CDK2AP1: variants seen among roughly 807,000 people sequenced by gnomAD.
CDK2AP1 encodes the protein cyclin-dependent kinase 2-associated protein 1.
A neutral mutation model predicts 14.1 loss-of-function variants in CDK2AP1; 10 were observed. The ratio of observed to expected loss-of-function variants is 0.71; its 90% CI spans 0.44 to 1.20. The LOEUF is 1.20. Among genes scored for constraint, CDK2AP1 ranks in the 50% most tolerant of loss-of-function variants. The probability of loss-of-function intolerance (pLI) is 0.00; values close to 1 mark genes in which losing one functional copy is unlikely to be tolerated. For synonymous variants in CDK2AP1, 59 were observed against 59.8 expected (o/e 0.99, Z 0.06); for missense variants, 102 against 149.9 (o/e 0.68, Z 1.67).
intron 3 of CDK2AP1, 39 bp from the exon 4 acceptor site, chr12:123,261,842 A>C: frequency 7.2e-7 from 1 of 1,396,636 alleles, no homozygotes; most frequent in Non-Finnish European, 1.0e-6. Flanking sequence ...GCAAGTGCAC[A>C]GGACCAGCCA....
rs2048232986 is a variant in CDK2AP1 at position 123,261,576 on chromosome 12, T to C, written c.*160A>G. 2 of 557,546 alleles carry C rather than the reference T, an allele frequency of 3.6e-6. No individual in the cohort carries two copies. Among genetic ancestry groups the C allele is most frequent in the Non-Finnish European group, 6.4e-6 (2 of 314,004 alleles). 34.5% of individuals were successfully genotyped at this position (557,546 alleles called of 1,614,324 possible). ...AATCCTAATTAACTGCAAAATCTTT[T>C]CTCAATCTTTGAGACTGTAGGTTCA... On this transcript the variant is annotated 3_prime_UTR_variant, in exon 4 of 4. Transcript: ENST00000261692.
chr12:123,262,111 CT>C (rs1370380254), intron 3 of CDK2AP1: 3 of 280,284 alleles, frequency 1.1e-5, no homozygotes, highest in Non-Finnish European at 2.0e-5. Flanking sequence ...CACCCAAATT[CT>C]TTTGCTTGAC....
chr12:123,270,845 G>A (rs897894766), intron 1 of CDK2AP1: 31 of 984,714 alleles, frequency 3.1e-5, no homozygotes, highest in Middle Eastern at 1.0e-3. Context: ...GCGGGCCCCA[G>A]CAGCCCCAGA....
chr12:123,267,678 G>A (rs1046680123), intron 1 of CDK2AP1: 22 of 186,018 alleles, frequency 1.2e-4, no homozygotes, highest in Admixed American at 2.7e-4. Flanking sequence ...TAGGCTGGTC[G>A]AAACCAGGCT....
intron 1 of CDK2AP1, among the ~76,000 whole-genome samples, chr12:123,268,927 A>G (rs1177241497): frequency 6.6e-6 from 1 of 152,150 alleles, no homozygotes; most frequent in African/African-American, 2.4e-5. Flanking sequence ...GATCCTGGTC[A>G]CTACACCTCT....
At chr12:123,262,248 G>A (rs11057215) in intron 3 of CDK2AP1, 2,953 of 154,942 alleles carry the variant, frequency 0.019, 40 homozygotes, top group Non-Finnish European at 0.03. Flanking sequence ...TACTACCCAC[G>A]CGGGACCCTG....
intron 1 of CDK2AP1, 151 bp downstream of exon 1, chr12:123,271,413 A>C: frequency 4.0e-6 from 1 of 249,296 alleles, no homozygotes. Context: ...CGGGCTCGGG[A>C]ATCATGGCGG....
At chr12:123,268,565 T>C (rs1359779885) in intron 1 of CDK2AP1, among the ~76,000 whole-genome samples, 1 of 152,232 alleles carries the variant, frequency 6.6e-6, no homozygotes, top group Non-Finnish European at 1.5e-5. Context: ...ATGCTGCCAC[T>C]GCAGCCCAGG....
chr12:123,263,000 G>C (rs1176704023), intron 3 of CDK2AP1, among the ~76,000 whole-genome samples: 3 of 151,588 alleles, frequency 2.0e-5, no homozygotes, highest in Non-Finnish European at 2.9e-5. Flanking sequence ...GCCCACTTGA[G>C]GTCAGGAGTT....
intron 3 of CDK2AP1, among the ~76,000 whole-genome samples, chr12:123,263,492 G>A (rs1412713089): frequency 6.6e-6 from 1 of 152,124 alleles, no homozygotes; most frequent in Non-Finnish European, 1.5e-5. Flanking sequence ...TGGACTCTGG[G>A]ACCCAGCATC....
chr12:123,268,727 G>T (rs560185705), intron 1 of CDK2AP1, among the ~76,000 whole-genome samples: 1 of 152,340 alleles, frequency 6.6e-6, no homozygotes, highest in African/African-American at 2.4e-5. Context: ...TATAGGGGCG[G>T]GTTGCTTGGG....
chr12:123,270,092 G>T, intron 1 of CDK2AP1: 2 of 380,738 alleles, frequency 5.3e-6, no homozygotes, highest in African/African-American at 2.2e-5. Flanking sequence ...ACCAGGGTAA[G>T]CCTGAGCTCA....
Position 123,265,173 on chromosome 12 carries a change from C to A in CDK2AP1, c.280+23G>T, listed in dbSNP as rs759844525. 6.2e-7 allele frequency: 1 copy of A among 1,614,060 alleles called. No individual in the cohort carries two copies. Among genetic ancestry groups the A allele is most frequent in the Admixed American group, 1.7e-5 (1 of 60,020 alleles). ...AAAGGTCTAGCACTGTGGTCACCGA[C>A]AGGGCAGCGGGGCCGGGCTTACCGC... On this transcript the variant is annotated intron_variant, in intron 3 of 3. Coordinates refer to ENST00000261692, the MANE Select transcript of CDK2AP1 (RefSeq NM_004642.4). The surrounding 1 kb of genome is among the most constrained non-coding windows in gnomAD (Gnocchi z 5.3).
intron 1 of CDK2AP1, chr12:123,271,014 G>C (rs2048348840): frequency 1.0e-6 from 1 of 971,052 alleles, no homozygotes; most frequent in Non-Finnish European, 1.2e-6. Flanking sequence ...GCGGCCCCGC[G>C]ACCTCAGGGC....
intron 2 of CDK2AP1, among the ~76,000 whole-genome samples, chr12:123,266,457 C>A (rs2048295458): frequency 6.6e-6 from 1 of 152,270 alleles, no homozygotes; most frequent in South Asian, 2.1e-4. Flanking sequence ...GAGGAACAGG[C>A]TCCATAGCGA....
chr12:123,270,837 G>T (rs1354406147), intron 1 of CDK2AP1: 6 of 985,196 alleles, frequency 6.1e-6, no homozygotes, highest in African/African-American at 1.7e-5. Context: ...GCCCGCGCGC[G>T]GGCCCCAGCA....
chr12:123,269,278 T>TGG (rs1293360725), intron 1 of CDK2AP1: 2 of 152,280 alleles, frequency 1.3e-5, no homozygotes, highest in African/African-American at 4.8e-5. Context: ...TTGATGATAC[T>TGG]GGGGTTAGGT....
Position 123,265,393 on chromosome 12 carries a change from C to T in CDK2AP1, c.154-71G>A. 1 of 1,503,288 alleles carries T rather than the reference C, an allele frequency of 6.7e-7. No individual in the cohort carries two copies. Among genetic ancestry groups the T allele is most frequent in the South Asian group, 1.1e-5 (1 of 87,544 alleles). The allele number at this position is 1,503,288 out of a possible 1,614,324, so 93.1% of individuals were successfully genotyped here. On this transcript the variant is annotated intron_variant, in intron 2 of 3. Transcript: ENST00000261692. This position sits in a 1 kb window ranked among gnomAD's most constrained non-coding sequence, Gnocchi z 5.3. ...TGGTGCGTGCCTGTAGTCCCAGTTACTCAGGAGGCTGAGGCAGGAGAACTG... is the reference window on the plus strand; with the variant it reads ...TGGTGCGTGCCTGTAGTCCCAGTTATTCAGGAGGCTGAGGCAGGAGAACTG...
At chr12:123,266,196 G>A (rs1029624417) in intron 2 of CDK2AP1, among the ~76,000 whole-genome samples, 4 of 152,192 alleles carry the variant, frequency 2.6e-5, no homozygotes, top group Admixed American at 6.5e-5. Flanking sequence ...CTCGCGCTCT[G>A]TCCTGTCCTC....
Sources: allele counts gnomAD v4.1 joint callset (sites outside exome capture counted in the v4.1 genomes callset), GRCh38; gene constraint gnomAD v4.1.1; non-coding constraint Gnocchi (gnomAD v3.1); transcripts MANE v1.5; gene names NCBI Gene and HGNC (gene_info 2026-07-23, HGNC 2026-07-21).